FRMD4B: variants seen among roughly 807,000 people sequenced by gnomAD.
The protein encoded by FRMD4B is FERM domain containing 4B.
Under a neutral mutation model 141.5 loss-of-function variants are expected in FRMD4B, and 74 were observed. The observed-to-expected ratio is 0.52, with a 90% CI of 0.43 to 0.63. FRMD4B has a LOEUF of 0.63. Ranked by LOEUF, FRMD4B falls within the 30% of genes least tolerant of loss-of-function variation. The probability of loss-of-function intolerance (pLI) is 0.00; values close to 1 mark genes in which losing one functional copy is unlikely to be tolerated. For missense variants in FRMD4B, 1,366 were observed against 1,253.4 expected (o/e 1.09, Z -1.36); for synonymous variants, 506 against 467.9 (o/e 1.08, Z -1.05).
chr3:69,531,758 T>C (rs1292275689), intron 1 of FRMD4B, among the ~76,000 whole-genome samples: 1 of 152,232 alleles, frequency 6.6e-6, no homozygotes, highest in Non-Finnish European at 1.5e-5. Flanking sequence ...CAGTATGCTT[T>C]TCCAAGTGTA....
chr3:69,345,690 G>C (rs543341484), intron 1 of FRMD4B, among the ~76,000 whole-genome samples: 15 of 152,332 alleles, frequency 9.8e-5, no homozygotes, highest in African/African-American at 3.6e-4. Context: ...TCGCTGTTCT[G>C]CAGCCTCTGC....
rs2092564857 is a variant in FRMD4B at position 69,169,500 on chromosome 3, G to A, written c.*2361C>T. Reference sequence around the variant, plus strand: ...AGCCTCCCAAGTAGCTGAGATTACAGGCACACATCACCATGACTGGCTAAT... The same window carrying A: ...AGCCTCCCAAGTAGCTGAGATTACAAGCACACATCACCATGACTGGCTAAT... On this transcript the variant is annotated 3_prime_UTR_variant, in exon 23 of 23. Coordinates refer to ENST00000398540, the MANE Select transcript of FRMD4B (RefSeq NM_015123.3). 6.6e-6 allele frequency among the ~76,000 whole-genome samples: 1 copy of A among 151,944 alleles called. No individual in the cohort carries two copies. The highest frequency in any genetic ancestry group is 1.5e-5 in the Non-Finnish European group (1 of 68,000).
intron 21 of FRMD4B, 78 bp from the exon 22 acceptor site, chr3:69,176,734 A>G: frequency 1.1e-6 from 1 of 882,694 alleles, no homozygotes; most frequent in Non-Finnish European, 1.8e-6. Flanking sequence ...TCAGAGGTAC[A>G]TTGCAATCAG....
At chr3:69,200,365 A>C in intron 11 of FRMD4B, 5 of 895,592 alleles carry the variant, frequency 5.6e-6, no homozygotes, top group Non-Finnish European at 6.7e-6. Context: ...GTATAAAGTT[A>C]CATACCCATT....
At chr3:69,229,266 C>A (rs72929562) in intron 7 of FRMD4B, among the ~76,000 whole-genome samples, 8 of 152,126 alleles carry the variant, frequency 5.3e-5, no homozygotes, top group Admixed American at 3.9e-4. Flanking sequence ...CCTCCAGCAA[C>A]CTTCCTGCCT....
At chr3:69,528,969 G>T (rs1440508388) in intron 1 of FRMD4B, among the ~76,000 whole-genome samples, 1 of 152,130 alleles carries the variant, frequency 6.6e-6, no homozygotes, top group Non-Finnish European at 1.5e-5. Context: ...TGGAGGGAGT[G>T]GATGCTAATT....
chr3:69,287,980 C>A, intron 4 of FRMD4B, 144 bp from the exon 5 acceptor site: 1 of 583,876 alleles, frequency 1.7e-6, no homozygotes, highest in East Asian at 2.8e-5. Flanking sequence ...AAGAAATATG[C>A]ACCGCACGTA....
chr3:69,512,770 T>G (rs1314722653), intron 1 of FRMD4B, among the ~76,000 whole-genome samples: 1 of 152,106 alleles, frequency 6.6e-6, no homozygotes, highest in Non-Finnish European at 1.5e-5. Flanking sequence ...CAAATAAAAC[T>G]TGGAGGAATG....
At chr3:69,388,923 G>A (rs1704324597), upstream of FRMD4B, among the ~76,000 whole-genome samples, 1 of 152,022 alleles carries the variant, frequency 6.6e-6, no homozygotes, top group South Asian at 2.1e-4. Context: ...TCTGGGCTTT[G>A]AGTGTAGCCA....
intron 1 of FRMD4B, among the ~76,000 whole-genome samples, chr3:69,344,359 G>A (rs1327340091): frequency 6.6e-6 from 1 of 152,194 alleles, no homozygotes; most frequent in East Asian, 1.9e-4. Context: ...AAGGACAGAA[G>A]GAGGGAGGAA....
chr3:69,172,308 T>C (rs1226398179), intron 22 of FRMD4B, among the ~76,000 whole-genome samples: 1 of 152,238 alleles, frequency 6.6e-6, no homozygotes, highest in Non-Finnish European at 1.5e-5. Context: ...ATAACTTGTC[T>C]AGTAAAAAAG....
At chr3:69,198,661 T>C (rs369567052) in intron 12 of FRMD4B, 37 bp downstream of exon 12, 239 of 985,832 alleles carry the variant, frequency 2.4e-4, no homozygotes, top group Middle Eastern at 4.1e-4. Context: ...ATTTGTATAG[T>C]AACTGTGTCA....
chr3:69,224,931 T>C (rs1236577419), intron 7 of FRMD4B, among the ~76,000 whole-genome samples: 3 of 152,180 alleles, frequency 2.0e-5, no homozygotes, highest in Admixed American at 6.5e-5. Flanking sequence ...ATGATTATAA[T>C]TGTACATTTT....
At chr3:69,405,426 G>A (rs1559518135) in intron 2 of FRMD4B, among the ~76,000 whole-genome samples, 1 of 152,226 alleles carries the variant, frequency 6.6e-6, no homozygotes. Context: ...ATAGCGGTTT[G>A]TGTAGTGACT....
rs138867498 is a variant in FRMD4B at position 69,424,000 on chromosome 3, G to C, written c.-1+8634C>G. ...CAAAGTTCCTAAGTGGAAGGCAGCT[G>C]CAATGTCCTTGTTAAAAAAAAATAA... On this transcript the variant is annotated intron_variant, in intron 2 of 5. Transcript: ENST00000459638. Among the ~76,000 whole-genome samples the C allele has an allele frequency of 5.9e-3, 893 of 152,258 alleles. 8 individuals carry two copies. The highest frequency in any genetic ancestry group is 0.021 in the African/African-American group (855 of 41,546).
At chr3:69,265,397 T>G (rs548835851) in intron 5 of FRMD4B, among the ~76,000 whole-genome samples, 8 of 146,154 alleles carry the variant, frequency 5.5e-5, no homozygotes, top group African/African-American at 2.0e-4. Flanking sequence ...GTTTGTGCAA[T>G]GCACTTTTAT....
At chr3:69,480,529 G>A (rs527310938) in intron 1 of FRMD4B, among the ~76,000 whole-genome samples, 22 of 152,208 alleles carry the variant, frequency 1.4e-4, no homozygotes, top group East Asian at 9.7e-4. Context: ...GCGGATTTTC[G>A]TGAACCGTGA....
intron 1 of FRMD4B, among the ~76,000 whole-genome samples, chr3:69,463,171 G>A (rs1272134918): frequency 1.3e-5 from 2 of 152,212 alleles, no homozygotes; most frequent in Non-Finnish European, 2.9e-5. Flanking sequence ...AGTTTCCTTA[G>A]ACCCCTCACC....
At chr3:69,293,877 C>T (rs1251967916) in intron 4 of FRMD4B, among the ~76,000 whole-genome samples, 9 of 23,330 alleles carry the variant, frequency 3.9e-4, no homozygotes, top group African/African-American at 1.0e-3. Context: ...CTAGATTCTG[C>T]CTCAAAAAAA....
Sources: gnomAD v4.1 joint callset for allele counts (sites outside exome capture counted in the v4.1 genomes callset) on GRCh38, gnomAD v4.1.1 for gene constraint, MANE v1.5 for transcripts, NCBI Gene and HGNC (gene_info 2026-07-23, HGNC 2026-07-21) for gene names.